The following MME variants were observed in gnomAD, a reference collection of about 807,000 sequenced individuals.
MME encodes the protein membrane metalloendopeptidase.
A neutral mutation model predicts 113.2 loss-of-function variants in MME; 98 were observed. The observed-to-expected ratio is 0.87, with a 90% CI of 0.74 to 1.02. MME has a LOEUF of 1.02. MME is among the 50% of genes least tolerant of loss of function. The pLI is 0.00. For synonymous variants in MME, 292 were observed against 300.6 expected, an observed-to-expected ratio of 0.97 and a Z score of 0.30; for missense variants, 836 against 896.0, an observed-to-expected ratio of 0.93 and a Z score of 0.86.
At chr3:155,057,448 C>A (rs973124212) in intron 1 of MME, among the ~76,000 whole-genome samples, 1 of 151,990 alleles carries the variant, frequency 6.6e-6, no homozygotes, top group African/African-American at 2.4e-5. Flanking sequence ...CAGGAAACAA[C>A]AGGTGCTGGA....
intron 1 of MME, among the ~76,000 whole-genome samples, chr3:155,069,922 C>T (rs1714499434): frequency 6.6e-6 from 1 of 152,124 alleles, no homozygotes; most frequent in Admixed American, 6.6e-5. Context: ...CCTCCCTACC[C>T]AGCCCCAGAA....
chr3:155,048,661 G>T (rs1056589441), intron 1 of MME, among the ~76,000 whole-genome samples: 4 of 152,180 alleles, frequency 2.6e-5, no homozygotes, highest in South Asian at 4.1e-4. Context: ...TGTCCTTGAA[G>T]TTTAGAGTAG....
chr3:155,057,903 G>A (rs1408112917), intron 1 of MME, among the ~76,000 whole-genome samples: 1 of 151,824 alleles, frequency 6.6e-6, no homozygotes, highest in Non-Finnish European at 1.5e-5. Flanking sequence ...TTTGATTCTT[G>A]CTGCCATACT....
intron 20 of MME, among the ~76,000 whole-genome samples, chr3:155,171,033 G>A (rs1711880261): frequency 6.6e-6 from 1 of 152,120 alleles, no homozygotes. Flanking sequence ...GGAAGGCATT[G>A]GCACTCAATA....
At chr3:155,174,159 G>A (rs1712270993) in intron 22 of MME, among the ~76,000 whole-genome samples, 1 of 152,068 alleles carries the variant, frequency 6.6e-6, no homozygotes, top group African/African-American at 2.4e-5. Context: ...CTGATCAGCA[G>A]TTAAGTAAAA....
At chr3:155,116,388 G>A (rs1718605255) in intron 4 of MME, 91 bp from the exon 5 acceptor site, 5 of 968,972 alleles carry the variant, frequency 5.2e-6, no homozygotes, top group Admixed American at 3.5e-5. Flanking sequence ...AACCCACTTT[G>A]CAAATGTTAA....
intron 1 of MME, among the ~76,000 whole-genome samples, chr3:155,030,238 T>C (rs1365051986): frequency 6.6e-6 from 1 of 152,170 alleles, no homozygotes; most frequent in Non-Finnish European, 1.5e-5. Flanking sequence ...ACTGTAAAAG[T>C]TTCTAGTGGT....
chr3:155,063,660 A>G (rs1483759188), intron 1 of MME, among the ~76,000 whole-genome samples: 1 of 117,856 alleles, frequency 8.5e-6, no homozygotes, highest in Non-Finnish European at 1.6e-5. Flanking sequence ...TTGATTATAT[A>G]ACATATTATA....
chr3:155,142,353 C>T, intron 12 of MME, 23 bp downstream of exon 12: 1 of 1,567,754 alleles, frequency 6.4e-7, no homozygotes, highest in Non-Finnish European at 8.8e-7. Context: ...TCTCTCTTTT[C>T]TTAAGACTTA....
intron 1 of MME, among the ~76,000 whole-genome samples, chr3:155,059,885 AAC>A (rs559520352): frequency 1.3e-5 from 2 of 152,334 alleles, no homozygotes; most frequent in South Asian, 4.1e-4. Flanking sequence ...TAACATAATA[AAC>A]ACACAAATAA....
chr3:155,050,202 T>C (rs1383171849), intron 1 of MME, among the ~76,000 whole-genome samples: 1 of 152,218 alleles, frequency 6.6e-6, no homozygotes, highest in Non-Finnish European at 1.5e-5. Context: ...CCATGTTGTA[T>C]ATATACCACA....
chr3:155,049,013 G>A (rs992010691), intron 1 of MME, among the ~76,000 whole-genome samples: 20 of 152,072 alleles, frequency 1.3e-4, no homozygotes, highest in Non-Finnish European at 4.4e-5. Flanking sequence ...AGCACCCCCA[G>A]TTTGGTGCCT....
intron 3 of MME, among the ~76,000 whole-genome samples, chr3:155,095,057 A>G (rs1445269445): frequency 2.6e-5 from 4 of 152,198 alleles, no homozygotes; most frequent in Admixed American, 2.6e-4. Context: ...ACTGAGGAAT[A>G]GTGATTTTCA....
At chr3:155,047,758 T>C (rs946086637) in intron 1 of MME, among the ~76,000 whole-genome samples, 3 of 152,200 alleles carry the variant, frequency 2.0e-5, no homozygotes, top group African/African-American at 7.2e-5. Context: ...TTTTTTATTG[T>C]ATCCTTAACA....
chr3:155,087,243 C>T (rs1394481251), intron 3 of MME, among the ~76,000 whole-genome samples: 1 of 116,004 alleles, frequency 8.6e-6, no homozygotes, highest in East Asian at 2.8e-4. Context: ...GAATCTGTGC[C>T]CTTTGGTTTT....
chr3:155,032,906 T>C (rs1403281972), intron 1 of MME, among the ~76,000 whole-genome samples: 1 of 152,184 alleles, frequency 6.6e-6, no homozygotes, highest in Admixed American at 6.5e-5. Flanking sequence ...AATTTCAACC[T>C]CTTTCTATGT....
intron 13 of MME, 61 bp from the exon 14 acceptor site, chr3:155,144,298 A>T: frequency 8.7e-6 from 10 of 1,143,652 alleles, no homozygotes; most frequent in Non-Finnish European, 1.3e-5. Context: ...CTCTATTTTT[A>T]AAAATCTGTG....
chr3:155,066,576 CTT>C (rs35178341), intron 1 of MME, among the ~76,000 whole-genome samples: 3,174 of 152,230 alleles, frequency 0.021, 102 homozygotes, highest in African/African-American at 0.071. Flanking sequence ...ATGGTAATAA[CTT>C]TTGATGAATC....
chr3:155,077,702 C>T (rs1378362827), upstream of MME, among the ~76,000 whole-genome samples: 1 of 150,034 alleles, frequency 6.7e-6, no homozygotes, highest in Non-Finnish European at 1.5e-5. Flanking sequence ...CAGTCAGACC[C>T]TCATCTAAAC....
Sources: gnomAD v4.1 joint callset for allele counts (sites outside exome capture counted in the v4.1 genomes callset) on GRCh38, gnomAD v4.1.1 for gene constraint, MANE v1.5 for transcripts, NCBI Gene and HGNC (gene_info 2026-07-23, HGNC 2026-07-21) for gene names.